ST6GALNAC3: variants seen among roughly 807,000 people sequenced by gnomAD.
ST6GALNAC3 encodes the protein ST6 N-acetylgalactosaminide alpha-2,6-sialyltransferase 3, also known as alpha-N-acetylgalactosaminide alpha-2,6-sialyltransferase 3.
ST6GALNAC3 carries 25 observed loss-of-function variants against 32.7 expected under a neutral mutation model. The observed-to-expected ratio is 0.76, with a 90% CI of 0.56 to 1.07. The LOEUF is 1.07. ST6GALNAC3 is among the 50% of genes least tolerant of loss of function. ST6GALNAC3 has a pLI of 0.00. For missense variants in ST6GALNAC3, 355 were observed against 382.4 expected (o/e 0.93, Z 0.60); for synonymous variants, 129 against 133.1 (o/e 0.97, Z 0.21).
intron 3 of ST6GALNAC3, among the ~76,000 whole-genome samples, chr1:76,515,206 A>C (rs1302020287): frequency 6.6e-6 from 1 of 151,932 alleles, no homozygotes; most frequent in Non-Finnish European, 1.5e-5. Context: ...CTCATCATTG[A>C]TCTGTCCAAA....
intron 3 of ST6GALNAC3, among the ~76,000 whole-genome samples, chr1:76,463,173 G>A (rs921978762): frequency 6.6e-6 from 1 of 152,142 alleles, no homozygotes; most frequent in Non-Finnish European, 1.5e-5. Flanking sequence ...TTAATAGTGG[G>A]AGCTTAACTT....
At chr1:76,516,093 G>A (rs570500623) in intron 3 of ST6GALNAC3, among the ~76,000 whole-genome samples, 1 of 152,264 alleles carries the variant, frequency 6.6e-6, no homozygotes, top group East Asian at 1.9e-4. Flanking sequence ...CTCCAAGCTG[G>A]CTGTGCAACC....
At chr1:76,545,625 G>T (rs1021376783) in intron 3 of ST6GALNAC3, among the ~76,000 whole-genome samples, 2 of 151,388 alleles carry the variant, frequency 1.3e-5, no homozygotes, top group Non-Finnish European at 2.9e-5. Context: ...AACATTAACT[G>T]CAACTTAGAA....
intron 3 of ST6GALNAC3, among the ~76,000 whole-genome samples, chr1:76,578,699 A>G (rs978717908): frequency 6.6e-6 from 1 of 152,032 alleles, no homozygotes; most frequent in African/African-American, 2.4e-5. Flanking sequence ...CAGCATCTGT[A>G]TGCTCATTCA....
chr1:76,559,442 A>G (rs902810133), intron 3 of ST6GALNAC3, among the ~76,000 whole-genome samples: 4 of 152,230 alleles, frequency 2.6e-5, no homozygotes, highest in Admixed American at 1.3e-4. Flanking sequence ...GTAAATTTCC[A>G]TGATCATGGA....
intron 1 of ST6GALNAC3, among the ~76,000 whole-genome samples, chr1:76,176,270 C>T (rs915450282): frequency 6.6e-6 from 1 of 152,170 alleles, no homozygotes; most frequent in East Asian, 1.9e-4. Context: ...AGATGAAAGC[C>T]CACTGCCCAG....
chr1:76,137,887 C>T (rs557472292), intron 1 of ST6GALNAC3, among the ~76,000 whole-genome samples: 1 of 152,344 alleles, frequency 6.6e-6, no homozygotes, highest in South Asian at 2.1e-4. Context: ...AGGAAGCCAT[C>T]TCTGACCCAA....
At chr1:76,087,182 G>C (rs1646975903) in intron 1 of ST6GALNAC3, among the ~76,000 whole-genome samples, 1 of 152,160 alleles carries the variant, frequency 6.6e-6, no homozygotes. Context: ...CTTCTAACTT[G>C]TGGGTAAATT....
chr1:76,591,205 G>A (rs538358977), intron 3 of ST6GALNAC3, among the ~76,000 whole-genome samples: 7 of 152,056 alleles, frequency 4.6e-5, no homozygotes, highest in East Asian at 1.9e-4. Context: ...GTGTGTCTCT[G>A]TGTGTATGTG....
chr1:76,212,882 G>A (rs2100579139), intron 1 of ST6GALNAC3, among the ~76,000 whole-genome samples: 1 of 152,182 alleles, frequency 6.6e-6, no homozygotes, highest in East Asian at 1.9e-4. Context: ...ATTTTTGGGT[G>A]CCACTGGCAA....
intron 1 of ST6GALNAC3, among the ~76,000 whole-genome samples, chr1:76,160,677 C>A (rs1651749318): frequency 6.6e-6 from 1 of 152,164 alleles, no homozygotes; most frequent in East Asian, 1.9e-4. Flanking sequence ...TAAATCAATG[C>A]ATTGCTTCCA....
At position 76,389,011 on chromosome 1, in the gene ST6GALNAC3, C is replaced by CTTTTTTTTTTTTTTTTTTTTTTTTTT. The variant is rs138986165; in HGVS notation, c.214-22997_214-22996insTTTTTTTTTTTTTTTTTTTTTTTTTT. On this transcript the variant is annotated intron_variant, in intron 2 of 4. Coordinates refer to ENST00000328299, the MANE Select transcript of ST6GALNAC3 (RefSeq NM_152996.4). ...GGTGTGGTTGTTAGTTGGTATATTT[C>CTTTTTTTTTTTTTTTTTTTTTTTTTT]CTTTTTTTTTTTTTTTTGAGACAGA... 4.6e-5 allele frequency among the ~76,000 whole-genome samples: 5 copies of CTTTTTTTTTTTTTTTTTTTTTTTTTT among 107,910 alleles called. 2 individuals carry two copies. Among genetic ancestry groups the CTTTTTTTTTTTTTTTTTTTTTTTTTT allele is most frequent in the Non-Finnish European group, 5.3e-5 (3 of 56,182 alleles). 70.8% of individuals were successfully genotyped at this position (107,910 alleles called of 152,430 possible). A position where few individuals can be genotyped will look rare whatever the true frequency, so the allele number is the denominator to read the frequency against.
chr1:76,528,750 C>T (rs959138035), intron 3 of ST6GALNAC3, among the ~76,000 whole-genome samples: 11 of 151,600 alleles, frequency 7.3e-5, no homozygotes, highest in African/African-American at 2.4e-4. Context: ...TCCACATATA[C>T]GAGTGAGAAA....
At position 76,412,008 on chromosome 1, in the gene ST6GALNAC3, C is replaced by A; in HGVS notation, c.214C>A (p.Pro72Thr). ...CATGCCTTCTTTCTCTATTTTTCAG[C>A]CTTTGCAACTGGACTGTGACCTTTG... Reference protein sequence around the residue: ...YGYINVKTQEPLQLDCDLCAI... With the variant: ...YGYINVKTQETLQLDCDLCAI... The change falls in exon 3 of 5, where the codon CCT (proline) becomes ACT (threonine). Residue 72 changes from proline to threonine, a missense_variant and splice_region_variant. By Grantham distance (38) the Pro-to-Thr change is conservative. Transcript: ENST00000328299. 1 of 1,607,188 alleles carries A rather than the reference C, an allele frequency of 6.2e-7. No individual in the cohort carries two copies. Among genetic ancestry groups the A allele is most frequent in the Non-Finnish European group, 8.5e-7 (1 of 1,176,134 alleles).
chr1:76,629,683 ACT>A lies in ST6GALNAC3; in HGVS notation c.*880_*881del. The A allele has an allele frequency of 1.0e-6, 1 of 985,548 alleles. No individual in the cohort carries two copies. Among genetic ancestry groups the A allele is most frequent in the South Asian group, 4.7e-5 (1 of 21,286 alleles). 61.1% of individuals were successfully genotyped at this position (985,548 alleles called of 1,614,324 possible). Reference sequence around the variant, plus strand: ...TAAAAAGTAACCAAAGGGTTTGCTAACTCTGCTTCAACATCCAACAACACAAA... The same window carrying A: ...TAAAAAGTAACCAAAGGGTTTGCTAACTGCTTCAACATCCAACAACACAAA... On this transcript the variant is annotated 3_prime_UTR_variant, in exon 5 of 5. Transcript: ENST00000328299.
At chr1:76,446,831 G>A (rs1314513752) in intron 3 of ST6GALNAC3, among the ~76,000 whole-genome samples, 2 of 152,110 alleles carry the variant, frequency 1.3e-5, no homozygotes, top group African/African-American at 4.8e-5. Flanking sequence ...TGATTGTGAG[G>A]CCTCCCTAGC....
intron 3 of ST6GALNAC3, among the ~76,000 whole-genome samples, chr1:76,573,954 T>A (rs1646756234): frequency 6.6e-6 from 1 of 151,988 alleles, no homozygotes. Context: ...TTTCATCCAA[T>A]CTTATGGGGA....
intron 3 of ST6GALNAC3, among the ~76,000 whole-genome samples, chr1:76,462,564 C>T (rs1384456242): frequency 6.6e-6 from 1 of 151,900 alleles, no homozygotes; most frequent in Non-Finnish European, 1.5e-5. Context: ...AAGAATACAA[C>T]TTCTCAGCAT....
chr1:76,511,084 A>T lies in ST6GALNAC3; in HGVS notation c.623+98667A>T, dbSNP rs143619404. ...CAAACACATCTCTATTTTCCCTCCC[A>T]GCTGTTACCACTGTAGTTCAGGACA... On this transcript the variant is annotated intron_variant, in intron 3 of 4. Transcript: ENST00000328299. 5.9e-5 allele frequency among the ~76,000 whole-genome samples: 9 copies of T among 152,178 alleles called. No individual in the cohort carries two copies. The East Asian group carries it at 1.7e-3, about 29-fold the overall frequency.
Sources: gnomAD v4.1 joint callset for allele counts (sites outside exome capture counted in the v4.1 genomes callset) on GRCh38, gnomAD v4.1.1 for gene constraint, MANE v1.5 for transcripts, NCBI Gene and HGNC (gene_info 2026-07-23, HGNC 2026-07-21) for gene names.